TASP1: variants seen among roughly 807,000 people sequenced by gnomAD.
TASP1 encodes taspase 1.
TASP1 carries 16 observed loss-of-function variants against 56.6 expected under a neutral mutation model. The ratio of observed to expected loss-of-function variants is 0.28; its 90% CI spans 0.19 to 0.43. The LOEUF is 0.43. Ranked by LOEUF, TASP1 falls within the 20% of genes least tolerant of loss-of-function variation. The pLI is 1.00. For synonymous variants in TASP1, 179 were observed against 184.2 expected (o/e 0.97, Z 0.23); for missense variants, 393 against 511.6 (o/e 0.77, Z 2.24).
At chr20:13,482,911 C>T (rs900492587) in intron 11 of TASP1, among the ~76,000 whole-genome samples, 1 of 152,196 alleles carries the variant, frequency 6.6e-6, no homozygotes, top group African/African-American at 2.4e-5. Context: ...ATTCATGACT[C>T]ATTTCTCAGC....
At chr20:13,514,948 T>A (rs1295253345) in intron 10 of TASP1, among the ~76,000 whole-genome samples, 2 of 152,172 alleles carry the variant, frequency 1.3e-5, no homozygotes, top group African/African-American at 4.8e-5. Flanking sequence ...TACATTTACA[T>A]GTTCCCACTT....
intron 13 of TASP1, among the ~76,000 whole-genome samples, chr20:13,411,182 A>G (rs2042083302): frequency 6.6e-6 from 1 of 152,156 alleles, no homozygotes; most frequent in Non-Finnish European, 1.5e-5. Flanking sequence ...CTATTGGTCT[A>G]TATGCCTGTT....
chr20:13,494,739 G>A (rs528700919), intron 10 of TASP1, among the ~76,000 whole-genome samples: 1 of 151,996 alleles, frequency 6.6e-6, no homozygotes, highest in South Asian at 2.1e-4. Context: ...AAAATCCAAA[G>A]CCCCAAAAAT....
downstream of TASP1, among the ~76,000 whole-genome samples, chr20:13,386,986 G>A (rs1222605241): frequency 2.6e-5 from 4 of 151,992 alleles, no homozygotes; most frequent in Non-Finnish European, 5.9e-5. Context: ...CATAGGACCC[G>A]ATAGGTGGTT....
the TASP1 span, among the ~76,000 whole-genome samples, chr20:13,134,168 C>T: frequency 6.6e-6 from 1 of 152,166 alleles, no homozygotes; most frequent in African/African-American, 2.4e-5. Flanking sequence ...CATAGGCCTT[C>T]AATACATACT....
chr20:13,466,923 G>A (rs189943312), intron 11 of TASP1, among the ~76,000 whole-genome samples: 74 of 152,172 alleles, frequency 4.9e-4, no homozygotes, highest in African/African-American at 1.7e-3. Context: ...TGGTAACTTT[G>A]TGAGGTAGGC....
chr20:13,635,035 A>C (rs1250197826), intron 1 of TASP1, among the ~76,000 whole-genome samples: 1 of 152,218 alleles, frequency 6.6e-6, no homozygotes, highest in East Asian at 1.9e-4. Flanking sequence ...TCTCAAAAAA[A>C]TAAAAATAAA....
chr20:13,289,967 G>A, the TASP1 span, among the ~76,000 whole-genome samples: 2 of 152,150 alleles, frequency 1.3e-5, no homozygotes, highest in Non-Finnish European at 2.9e-5. Context: ...TCTCCAACCA[G>A]AGACATTTGG....
chr20:13,116,395 C>T, the TASP1 span, among the ~76,000 whole-genome samples: 2 of 152,184 alleles, frequency 1.3e-5, no homozygotes, highest in South Asian at 2.1e-4. Context: ...CCTGTCAATG[C>T]AGTCAAAACT....
chr20:13,586,983 AGT>A (rs2047327834), intron 5 of TASP1, among the ~76,000 whole-genome samples: 2 of 152,128 alleles, frequency 1.3e-5, no homozygotes, highest in Non-Finnish European at 2.9e-5. Context: ...CAAAAAATAT[AGT>A]GTGTATTTCA....
chr20:13,313,348 A>G, the TASP1 span, among the ~76,000 whole-genome samples: 126 of 152,346 alleles, frequency 8.3e-4, 1 homozygote, highest in African/African-American at 2.9e-3. Flanking sequence ...ACCTAACTGG[A>G]TGTGTAAACA....
chr20:13,178,279 A>G, the TASP1 span, among the ~76,000 whole-genome samples: 4 of 152,330 alleles, frequency 2.6e-5, no homozygotes, highest in South Asian at 6.2e-4. Flanking sequence ...GATATAAAGA[A>G]AAGGGAACTC....
the TASP1 span, among the ~76,000 whole-genome samples, chr20:13,310,922 G>A: frequency 0.015 from 2,306 of 152,290 alleles, 31 homozygotes; most frequent in Middle Eastern, 0.027. Context: ...GGCCAGGCAC[G>A]GTGGCTCACG....
At chr20:13,240,353 A>G in the TASP1 span, among the ~76,000 whole-genome samples, 1 of 152,222 alleles carries the variant, frequency 6.6e-6, no homozygotes, top group East Asian at 1.9e-4. Flanking sequence ...GTTCCTACTA[A>G]AAGAGGGTGG....
intron 13 of TASP1, chr20:13,393,020 C>A (rs1256994111): frequency 1.7e-6 from 1 of 583,300 alleles, no homozygotes; most frequent in Non-Finnish European, 3.2e-6. Context: ...CAGCAGGGAG[C>A]CAAAAGGGTC....
the TASP1 span, chr20:13,292,390 T>C: frequency 1.0e-5 from 16 of 1,603,434 alleles, no homozygotes; most frequent in Non-Finnish European, 1.4e-5. Flanking sequence ...AAGACACTTT[T>C]AGGACAGCTG....
Position 13,435,174 on chromosome 20 carries a change from A to C in TASP1, c.986-20T>G. 6.6e-7 allele frequency: 1 copy of C among 1,516,626 alleles called. No homozygotes were observed. Among genetic ancestry groups the C allele is most frequent in the Non-Finnish European group, 8.9e-7 (1 of 1,121,852 alleles). 93.9% of individuals were successfully genotyped at this position (1,516,626 alleles called of 1,614,324 possible). ...GTGAACCTAGGCAGAAAGGACTAGTAGTTATTTTTCAGTGAATTTTACTTT... is the reference window on the plus strand; with the variant it reads ...GTGAACCTAGGCAGAAAGGACTAGTCGTTATTTTTCAGTGAATTTTACTTT... On this transcript the variant is annotated intron_variant, in intron 11 of 13. Transcript: ENST00000337743.
chr20:13,589,961 G>A (rs1025658292), intron 4 of TASP1, among the ~76,000 whole-genome samples: 5 of 152,288 alleles, frequency 3.3e-5, no homozygotes, highest in East Asian at 1.9e-4. Context: ...GCCAGCCATG[G>A]TGGCTCACAC....
the TASP1 span, among the ~76,000 whole-genome samples, chr20:13,364,643 G>A: frequency 1.4e-4 from 21 of 152,204 alleles, 1 homozygote; most frequent in East Asian, 3.9e-3. Context: ...TCTGACCCCC[G>A]AGATGGGTCA....
Sources: allele counts gnomAD v4.1 joint callset (sites outside exome capture counted in the v4.1 genomes callset), GRCh38; gene constraint gnomAD v4.1.1; transcripts MANE v1.5; gene names NCBI Gene and HGNC (gene_info 2026-07-23, HGNC 2026-07-21).